ZNF273: variants seen among roughly 807,000 people sequenced by gnomAD.
ZNF273 encodes the protein zinc finger protein 9.
A neutral mutation model predicts 14.9 loss-of-function variants in ZNF273; 11 were observed. The ratio of observed to expected loss-of-function variants is 0.74; its 90% CI spans 0.46 to 1.22. ZNF273 has a LOEUF of 1.22. Ranked by LOEUF, ZNF273 falls within the 50% of genes most tolerant of loss-of-function variation. The probability of loss-of-function intolerance (pLI) is 0.00; values close to 1 mark genes in which losing one functional copy is unlikely to be tolerated. For synonymous variants in ZNF273, 199 were observed against 223.9 expected (o/e 0.89, Z 0.99); for missense variants, 577 against 660.6 (o/e 0.87, Z 1.39).
intron 1 of ZNF273, among the ~76,000 whole-genome samples, chr7:64,886,815 A>T (rs1791610900): frequency 6.6e-6 from 1 of 152,238 alleles, no homozygotes; most frequent in African/African-American, 2.4e-5. Flanking sequence ...ATTGATGCTC[A>T]TATCACCTTC....
intron 1 of ZNF273, among the ~76,000 whole-genome samples, chr7:64,906,551 C>G (rs1382509200): frequency 1.3e-5 from 2 of 152,094 alleles, no homozygotes; most frequent in African/African-American, 4.8e-5. Flanking sequence ...AAGCTTCAGC[C>G]CAGTGACTCT....
chr7:64,905,204 C>T (rs952349712), intron 1 of ZNF273, among the ~76,000 whole-genome samples: 2 of 150,092 alleles, frequency 1.3e-5, no homozygotes, highest in Admixed American at 1.3e-4. Context: ...CAAACTCCGC[C>T]TCCCAGGTTC....
downstream of ZNF273, chr7:64,889,713 G>C (rs377115922): frequency 1.0e-6 from 1 of 985,830 alleles, no homozygotes; most frequent in Admixed American, 6.1e-5. The surrounding 1 kb of genome is among the most constrained non-coding windows in gnomAD (Gnocchi z 4.2). Flanking sequence ...ATGCGGTTTG[G>C]GAGTGTAGCT....
chr7:64,894,838 C>T (rs1411989683), downstream of ZNF273, among the ~76,000 whole-genome samples: 8 of 151,920 alleles, frequency 5.3e-5, no homozygotes, highest in Non-Finnish European at 1.0e-4. Flanking sequence ...TAGTTATATA[C>T]GAAAGATCGG....
intron 1 of ZNF273, among the ~76,000 whole-genome samples, chr7:64,916,418 G>A (rs1449082893): frequency 8.0e-5 from 12 of 150,332 alleles, no homozygotes; most frequent in Admixed American, 1.3e-4. Context: ...GGCGGCAGGC[G>A]CCTGTAATCC....
chr7:64,902,815 C>G (rs1792814353), upstream of ZNF273, among the ~76,000 whole-genome samples: 1 of 152,144 alleles, frequency 6.6e-6, no homozygotes, highest in Non-Finnish European at 1.5e-5. Context: ...TTTTGAGTTC[C>G]TGATTAGCCT....
chr7:64,924,600 T>C (rs1794686109), intron 3 of ZNF273, among the ~76,000 whole-genome samples: 1 of 152,194 alleles, frequency 6.6e-6, no homozygotes, highest in African/African-American at 2.4e-5. Context: ...TACTTGTCTC[T>C]TTGGAGTTTT....
In ZNF273 at chr7:64,929,328, C is replaced by T. The variant is rs1794920239; in HGVS notation, c.*290C>T. 1 of 200,442 alleles carries T rather than the reference C, an allele frequency of 5.0e-6. No individual in the cohort carries two copies. Among genetic ancestry groups the T allele is most frequent in the Non-Finnish European group, 1.0e-5 (1 of 99,432 alleles). The allele number at this position is 200,442 out of a possible 1,614,324, so 12.4% of individuals were successfully genotyped here. On this transcript the variant is annotated 3_prime_UTR_variant, in exon 4 of 4. Coordinates refer to ENST00000476120, the MANE Select transcript of ZNF273 (RefSeq NM_021148.3). ...GCAGAGTATTTATTTTGAAGAGAAA[C>T]ATTAAAAGTACAAAGAGGTTTGTAG...
rs931247137 is a variant in ZNF273 at position 64,928,581 on chromosome 7, C to T, written c.1253C>T (p.Thr418Ile). The part of the protein sequence containing the change: ...GKAFKRSTTL[T>I]KHKRIYTKEK... ...GCCTTTAAACGGTCCACAACTCTTA[C>T]TAAACATAAGAGAATTTATACTAAA... Residue 418 changes from threonine (T) to isoleucine (I), a missense_variant, in exon 4 of 4, where the codon ACT becomes ATT. Transcript: ENST00000476120. 1 of 1,610,536 alleles carries T rather than the reference C, an allele frequency of 6.2e-7. No individual in the cohort carries two copies.
chr7:64,891,430 C>A (rs1340714116), downstream of ZNF273, among the ~76,000 whole-genome samples: 1 of 152,226 alleles, frequency 6.6e-6, no homozygotes, highest in African/African-American at 2.4e-5. Context: ...CAGCCAGAAC[C>A]AGAGGGGCCT....
At chr7:64,920,503 T>G (rs1040579630) in intron 3 of ZNF273, among the ~76,000 whole-genome samples, 1 of 152,142 alleles carries the variant, frequency 6.6e-6, no homozygotes, top group Admixed American at 6.5e-5. Flanking sequence ...TGGCTATAAA[T>G]GCATGTCTTT....
At chr7:64,906,496 CACTT>C (rs1231211043) in intron 1 of ZNF273, among the ~76,000 whole-genome samples, 3 of 123,808 alleles carry the variant, frequency 2.4e-5, no homozygotes, top group African/African-American at 7.5e-5. Context: ...ATTTTTTAAA[CACTT>C]ACTTTCAAAA....
At chr7:64,893,687 TCC>T (rs60629348), downstream of ZNF273, 2 of 17,916 alleles carry the variant, frequency 1.1e-4, no homozygotes, top group African/African-American at 1.8e-4. Flanking sequence ...ACCCCTCCCC[TCC>T]CCCTCCCCTC....
At chr7:64,893,785 TGAC>T (rs1180389649), downstream of ZNF273, 56 of 152,152 alleles carry the variant, frequency 3.7e-4, no homozygotes, top group African/African-American at 1.4e-3. Context: ...GGTGAGGTGC[TGAC>T]GATTCTGGTC....
At chr7:64,905,015 G>C (rs2129057566) in intron 1 of ZNF273, among the ~76,000 whole-genome samples, 1 of 151,882 alleles carries the variant, frequency 6.6e-6, no homozygotes, top group East Asian at 1.9e-4. Context: ...CAGCTCCTGG[G>C]TCATTTTCTC....
chr7:64,917,826 G>A, intron 2 of ZNF273, 119 bp downstream of exon 2: 1 of 1,128,670 alleles, frequency 8.9e-7, no homozygotes, highest in African/African-American at 1.6e-5. Flanking sequence ...CAAAATCCTG[G>A]GGATTTGTTC....
upstream of ZNF273, among the ~76,000 whole-genome samples, chr7:64,900,397 G>C (rs1279425183): frequency 4.6e-5 from 7 of 152,152 alleles, no homozygotes; most frequent in Non-Finnish European, 1.5e-5. Flanking sequence ...AAATGCAAGT[G>C]GTACAGGAGA....
chr7:64,921,636 TTGTG>T lies in ZNF273; in HGVS notation c.325+3349_325+3352del, dbSNP rs1491013974. 2.9e-4 allele frequency among the ~76,000 whole-genome samples: 10 copies of T among 33,968 alleles called. 3 individuals carry two copies. The highest frequency in any genetic ancestry group is 3.3e-4 in the African/African-American group (3 of 8,968). The allele number at this position is 33,968 out of a possible 152,430, so 22.3% of individuals were successfully genotyped here. A position where few individuals can be genotyped will look rare whatever the true frequency, so the allele number is the denominator to read the frequency against. ...TTTTTTTTTTTTTTTTTTTTTTTTT[TTGTG>T]TGTGAGACAGAGTCTTGCTCTCTTG... On this transcript the variant is annotated intron_variant, in intron 3 of 3. Coordinates refer to ENST00000476120, the MANE Select transcript of ZNF273 (RefSeq NM_021148.3).
chr7:64,928,494 T>A lies in ZNF273; in HGVS notation c.1166T>A (p.Leu389His). Residue 389 changes from leucine (L) to histidine (H), a missense_variant, in exon 4 of 4, where the codon CTT becomes CAT. Coordinates refer to ENST00000476120, the MANE Select transcript of ZNF273 (RefSeq NM_021148.3). ...AAAGCTTTTAACCAGTCCTCAACCC[T>A]TACTAGACATAAGATAGTTCATACT... Reference protein sequence around the residue: ...CGKAFNQSSTLTRHKIVHTGE... With the variant: ...CGKAFNQSSTHTRHKIVHTGE... 1 of 1,613,748 alleles carries A rather than the reference T, an allele frequency of 6.2e-7. No homozygotes were observed. Among genetic ancestry groups the A allele is most frequent in the Non-Finnish European group, 8.5e-7 (1 of 1,179,924 alleles).
Sources: gnomAD v4.1 joint callset for allele counts (sites outside exome capture counted in the v4.1 genomes callset) on GRCh38, gnomAD v4.1.1 for gene constraint, Gnocchi (gnomAD v3.1) non-coding constraint, MANE v1.5 for transcripts, NCBI Gene and HGNC (gene_info 2026-07-23, HGNC 2026-07-21) for gene names.